HLA-DQB2: variants seen among roughly 807,000 people sequenced by gnomAD.
HLA-DQB2 encodes HLA class II histocompatibility antigen, DQ beta 2 chain.
Under a neutral mutation model 29.2 loss-of-function variants are expected in HLA-DQB2, and 24 were observed. The observed-to-expected ratio is 0.82, with a 90% CI of 0.60 to 1.16. The LOEUF (loss-of-function observed/expected upper bound fraction) is 1.16. Ranked by LOEUF, HLA-DQB2 falls within the 50% of genes most tolerant of loss-of-function variation. The pLI, the probability that HLA-DQB2 is intolerant of heterozygous loss-of-function variation, is 0.00. For missense variants in HLA-DQB2, 273 were observed against 343.6 expected (o/e 0.79, Z 1.62); for synonymous variants, 104 against 133.1 (o/e 0.78, Z 1.51).
Position 32,758,958 on chromosome 6 carries a change from A to G in HLA-DQB2, c.538T>C (p.Trp180Arg). The G allele has an allele frequency of 6.2e-7, 1 of 1,614,256 alleles. No homozygotes were observed. The highest frequency in any genetic ancestry group is 8.5e-7 in the Non-Finnish European group (1 of 1,180,048). Residue 180 changes from tryptophan to arginine, a missense_variant, in exon 3 of 6, where the codon TGG becomes CGG. By Grantham distance (101) the Trp-to-Arg change is moderately radical (BLOSUM62 -3). Transcript: ENST00000437316. ...VSTSLIRNGDWTFQILVMLEI... is the reference protein window; with the variant it reads ...VSTSLIRNGDRTFQILVMLEI... ...AGCATCACCAGAATCTGGAAGGTCC[A>G]GTCACCATTCCTAATGAGGGAGGTG...
intron 5 of HLA-DQB2, chr6:32,756,953 C>T: frequency 1.6e-6 from 2 of 1,228,136 alleles, no homozygotes; most frequent in Non-Finnish European, 2.0e-6. Context: ...TCCCCTAAGT[C>T]TTAACCCTCA....
Position 32,761,889 on chromosome 6 carries a change from G to C in HLA-DQB2, c.135C>G (p.Phe45Leu). 3 of 1,612,584 alleles carry C rather than the reference G, an allele frequency of 1.9e-6. No homozygotes were observed. The African/African-American group carries it at 4.0e-5, about 21-fold the overall frequency. Reference sequence around the variant, plus strand: ...CGCGCACGCGCTCTGTCCCGTTGGTGAAGTAGCACATGCCCTTAAACTGGA... The same window carrying C: ...CGCGCACGCGCTCTGTCCCGTTGGTCAAGTAGCACATGCCCTTAAACTGGA... The part of the protein sequence containing the change: ...FLVQFKGMCY[F>L]TNGTERVRGV... Residue 45 changes from phenylalanine to leucine, a missense_variant, in exon 2 of 6, where the codon TTC (phenylalanine) becomes TTG (leucine). Coordinates refer to ENST00000437316, the MANE Select transcript of HLA-DQB2 (RefSeq NM_001300790.2).
At chr6:32,763,150 C>G (rs1402511120) in intron 1 of HLA-DQB2, among the ~76,000 whole-genome samples, 1 of 152,234 alleles carries the variant, frequency 6.6e-6, no homozygotes, top group African/African-American at 2.4e-5. Context: ...TCTTTCCTCT[C>G]TCCTCCTTCA....
chr6:32,757,211 G>A (rs773840220), intron 5 of HLA-DQB2, 70 bp downstream of exon 5: 19 of 1,547,196 alleles, frequency 1.2e-5, no homozygotes, highest in African/African-American at 6.9e-5. Flanking sequence ...GTAGAGATGC[G>A]GTTTCACCAT....
chr6:32,757,590 G>C (rs1257846207), intron 4 of HLA-DQB2, among the ~76,000 whole-genome samples, 183 bp downstream of exon 4: 2,203 of 120,026 alleles, frequency 0.018, no homozygotes, highest in Admixed American at 0.054. Flanking sequence ...CTATCAGTCA[G>C]CTCTGGCAGC....
At chr6:32,763,341 G>A in intron 1 of HLA-DQB2, 33 bp downstream of exon 1, 1 of 1,295,098 alleles carries the variant, frequency 7.7e-7, no homozygotes, top group Non-Finnish European at 1.1e-6. Context: ...TTCCCACAGT[G>A]GTGGCTCTCG....
Position 32,758,961 on chromosome 6 carries a change from C to G in HLA-DQB2, c.535G>C (p.Asp179His). ...VVSTSLIRNG[D>H]WTFQILVMLE... ...ATCACCAGAATCTGGAAGGTCCAGT[C>G]ACCATTCCTAATGAGGGAGGTGGAC... Residue 179 changes from aspartate to histidine, a missense_variant, in exon 3 of 6, where the codon GAC becomes CAC. Asp to His is a moderately conservative substitution (Grantham distance 81, BLOSUM62 -1). Coordinates refer to ENST00000437316, the MANE Select transcript of HLA-DQB2 (RefSeq NM_001300790.2). The G allele has an allele frequency of 6.2e-7, 1 of 1,614,250 alleles. No individual in the cohort carries two copies. The highest frequency in any genetic ancestry group is 8.5e-7 in the Non-Finnish European group (1 of 1,180,050).
intron 5 of HLA-DQB2, 178 bp downstream of exon 5, chr6:32,757,103 T>A: frequency 7.0e-7 from 1 of 1,423,494 alleles, no homozygotes; most frequent in Non-Finnish European, 9.3e-7. Flanking sequence ...CACTGCAACC[T>A]CTGCCTCCTG....
At chr6:32,761,243 A>G (rs1051483610) in intron 2 of HLA-DQB2, among the ~76,000 whole-genome samples, 7,529 of 119,740 alleles carry the variant, frequency 0.063, no homozygotes, top group East Asian at 0.14. Flanking sequence ...GAGCTGTGCA[A>G]GTGGGCCTTG....
chr6:32,758,698 G>A (rs1445910357), intron 3 of HLA-DQB2, among the ~76,000 whole-genome samples, 152 bp downstream of exon 3: 1 of 152,246 alleles, frequency 6.6e-6, no homozygotes, highest in Non-Finnish European at 1.5e-5. Context: ...TTCATCTGAT[G>A]TGCTTGCCAT....
rs1367321976 is a variant in HLA-DQB2, at chr6:32,758,960, T to G, written c.536A>C (p.Asp179Ala). 1 of 1,614,250 alleles carries G rather than the reference T, an allele frequency of 6.2e-7. No homozygotes were observed. Among genetic ancestry groups the G allele is most frequent in the Admixed American group, 1.7e-5 (1 of 60,034 alleles). ...VVSTSLIRNGDWTFQILVMLE... is the reference protein window; with the variant it reads ...VVSTSLIRNGAWTFQILVMLE... ...CATCACCAGAATCTGGAAGGTCCAGTCACCATTCCTAATGAGGGAGGTGGA... is the reference window on the plus strand; with the variant it reads ...CATCACCAGAATCTGGAAGGTCCAGGCACCATTCCTAATGAGGGAGGTGGA... The change falls in exon 3 of 6, where the codon GAC becomes GCC. Residue 179 changes from aspartate to alanine, a missense_variant. Physicochemically the swap from Asp to Ala is moderately radical, Grantham distance 126. Coordinates refer to ENST00000437316, the MANE Select transcript of HLA-DQB2 (RefSeq NM_001300790.2).
chr6:32,758,723 T>C (rs1764491882), intron 3 of HLA-DQB2, 127 bp downstream of exon 3: 1 of 1,095,448 alleles, frequency 9.1e-7, no homozygotes, highest in Admixed American at 2.7e-5. Flanking sequence ...CAACAGGTGC[T>C]CTAGTCTCCT....
chr6:32,759,233 A>T (rs1764560784), intron 2 of HLA-DQB2, 102 bp from the exon 3 acceptor site: 4 of 1,383,396 alleles, frequency 2.9e-6, no homozygotes, highest in Non-Finnish European at 3.9e-6. Flanking sequence ...GAATAGAAAG[A>T]TACCTGGAGT....
rs1049110 is a variant in HLA-DQB2 at position 32,759,026 on chromosome 6, C to A, written c.470G>T (p.Arg157Leu). Residue 157 changes from arginine (R) to leucine (L), a missense_variant, in exon 3 of 6, where the codon CGG becomes CTG. Transcript: ENST00000437316. ...TDFYPAQIKV[R>L]WFRNDQEETA... ...CTCCTCCTGGTCATTCCGAAACCAC[C>A]GGACTTTGATCTGGGCTGGATAGAA... is the stretch of plus-strand genomic sequence containing the variant. 2 of 1,600,672 alleles carry A rather than the reference C, an allele frequency of 1.2e-6. No homozygotes were observed. The highest frequency in any genetic ancestry group is 1.7e-6 in the Non-Finnish European group (2 of 1,172,480).
intron 2 of HLA-DQB2, among the ~76,000 whole-genome samples, chr6:32,761,279 G>A (rs980931932): frequency 6.6e-6 from 1 of 151,758 alleles, no homozygotes; most frequent in Non-Finnish European, 1.5e-5. Context: ...CTAGTGGGGC[G>A]GACGGGCAGG....
At chr6:32,756,671 G>A (rs1179506673) in intron 5 of HLA-DQB2, 1 of 1,365,166 alleles carries the variant, frequency 7.3e-7, no homozygotes, top group Non-Finnish European at 9.4e-7. Context: ...TGTGGAGGTG[G>A]GGGAACAGCA....
intron 5 of HLA-DQB2, 135 bp from the exon 6 acceptor site, chr6:32,756,601 A>C: frequency 6.8e-7 from 1 of 1,466,904 alleles, no homozygotes; most frequent in Non-Finnish European, 9.0e-7. Context: ...ACGTTCCCCA[A>C]TATCTGTGTA....
intron 2 of HLA-DQB2, among the ~76,000 whole-genome samples, chr6:32,761,342 G>T (rs796452804): frequency 7.4e-4 from 106 of 143,492 alleles, no homozygotes; most frequent in African/African-American, 2.6e-3. Flanking sequence ...GGTAAGGCAC[G>T]AGGAGGCAAA....
chr6:32,762,464 C>T (rs774532223), intron 1 of HLA-DQB2, among the ~76,000 whole-genome samples: 4 of 152,194 alleles, frequency 2.6e-5, no homozygotes, highest in Non-Finnish European at 4.4e-5. Context: ...TTCTGCTATA[C>T]CCGCCCAAGT....
Sources: gnomAD v4.1 joint callset for allele counts (sites outside exome capture counted in the v4.1 genomes callset) on GRCh38, gnomAD v4.1.1 for gene constraint, MANE v1.5 for transcripts, NCBI Gene and HGNC (gene_info 2026-07-23, HGNC 2026-07-21) for gene names.